Variants in MARCHF11 observed in about 807,000 individuals in gnomAD.
MARCHF11 encodes the protein membrane associated ring-CH-type finger 11.
MARCHF11 carries 29 observed loss-of-function variants against 37.3 expected under a neutral mutation model. The observed-to-expected ratio is 0.78, with a 90% CI of 0.58 to 1.06. The LOEUF (loss-of-function observed/expected upper bound fraction) is 1.06, where lower values mean the gene tolerates loss of function less well. Ranked by LOEUF, MARCHF11 falls within the 50% of genes least tolerant of loss-of-function variation. The pLI, the probability that MARCHF11 is intolerant of heterozygous loss-of-function variation, is 0.00. For missense variants in MARCHF11, 482 were observed against 533.4 expected (o/e 0.90, Z 0.95); for synonymous variants, 233 against 228.0 (o/e 1.02, Z -0.20).
At chr5:16,161,879 A>G (rs562422109) in intron 2 of MARCHF11, among the ~76,000 whole-genome samples, 2 of 152,136 alleles carry the variant, frequency 1.3e-5, no homozygotes, top group African/African-American at 2.4e-5. Flanking sequence ...AGGGCATTCA[A>G]TGAGATGATG....
At chr5:16,153,356 G>A (rs893176864) in intron 2 of MARCHF11, among the ~76,000 whole-genome samples, 4 of 152,034 alleles carry the variant, frequency 2.6e-5, no homozygotes, top group Middle Eastern at 3.4e-3. Context: ...AGGATCACAG[G>A]TTACAGGAAG....
intron 2 of MARCHF11, among the ~76,000 whole-genome samples, chr5:16,159,779 T>A (rs1387149324): frequency 6.6e-6 from 1 of 151,962 alleles, no homozygotes. Context: ...CAGGAGATGG[T>A]CGGTGCCTCA....
In MARCHF11 at chr5:16,145,325, T is replaced by C. The variant is rs574491681; in HGVS notation, c.693+32401A>G. Among the ~76,000 whole-genome samples the C allele has an allele frequency of 3.3e-4, 51 of 152,272 alleles. No homozygotes were observed. In the South Asian group the frequency reaches 9.8e-3, roughly 29 times the overall value. ...AGAGTGCTCATGAACTGGTTAATACTGCTACAGAATGGGCATTCAGGAGGG... is the reference window on the plus strand; with the variant it reads ...AGAGTGCTCATGAACTGGTTAATACCGCTACAGAATGGGCATTCAGGAGGG... On this transcript the variant is annotated intron_variant, in intron 2 of 3. Coordinates refer to ENST00000332432, the MANE Select transcript of MARCHF11 (RefSeq NM_001102562.3).
chr5:16,107,685 C>T (rs984203371), intron 2 of MARCHF11, among the ~76,000 whole-genome samples: 6 of 151,650 alleles, frequency 4.0e-5, no homozygotes, highest in Admixed American at 6.6e-5. Context: ...GCCTTTTGGC[C>T]GATCACGCCC....
intron 2 of MARCHF11, among the ~76,000 whole-genome samples, chr5:16,142,813 T>C (rs1407955113): frequency 1.5e-5 from 2 of 137,692 alleles, no homozygotes. Flanking sequence ...TGCCTCAGCC[T>C]CCCGAGTAGC....
intron 2 of MARCHF11, among the ~76,000 whole-genome samples, chr5:16,135,880 TAAA>T (rs11345766): frequency 1.3e-3 from 155 of 119,664 alleles, no homozygotes; most frequent in African/African-American, 4.2e-3. Flanking sequence ...GAAAGAGATT[TAAA>T]AAAAAAAAAA....
rs141593200 is a variant in MARCHF11, at chr5:16,168,691, T to G, written c.693+9035A>C. On this transcript the variant is annotated intron_variant, in intron 2 of 3. Transcript: ENST00000332432. ...CTTTCCATGGGGCTGGAGGTCTCAC[T>G]GGAAACCTCCCACCTACTCATTCCC... Among the ~76,000 whole-genome samples the G allele has an allele frequency of 1.6e-3, 240 of 152,206 alleles. 2 individuals carry two copies. The East Asian group carries it at 0.028, about 18-fold the overall frequency.
Position 16,067,675 on chromosome 5 carries a change from C to T in MARCHF11, c.1005G>A (p.Arg335=). The change falls in exon 4 of 4, where the codon CGG becomes CGA. Residue 335 remains arginine (R), a synonymous_variant. Coordinates refer to ENST00000332432, the MANE Select transcript of MARCHF11 (RefSeq NM_001102562.3). ...DKATDIEESS[R]GESSTSRTLW... Reference sequence around the variant, plus strand: ...AAGTCCTACTTGTGGAAGACTCTCCCCGGCTGCTTTCTTCGATGTCTGTGG... The same window carrying T: ...AAGTCCTACTTGTGGAAGACTCTCCTCGGCTGCTTTCTTCGATGTCTGTGG... 1.2e-6 allele frequency: 2 copies of T among 1,613,948 alleles called. No individual in the cohort carries two copies. Among genetic ancestry groups the T allele is most frequent in the South Asian group, 1.1e-5 (1 of 91,082 alleles).
intron 2 of MARCHF11, among the ~76,000 whole-genome samples, chr5:16,132,304 C>T (rs1205596308): frequency 6.6e-6 from 1 of 152,214 alleles, no homozygotes; most frequent in African/African-American, 2.4e-5. Flanking sequence ...TCCTTTTCGT[C>T]TGATCTCATC....
At chr5:16,118,978 T>A (rs1306467015) in intron 2 of MARCHF11, among the ~76,000 whole-genome samples, 1 of 152,208 alleles carries the variant, frequency 6.6e-6, no homozygotes, top group African/African-American at 2.4e-5. Flanking sequence ...TTGCTTTTTC[T>A]GCTCTATTTC....
At chr5:16,157,626 A>G (rs1265374180) in intron 2 of MARCHF11, among the ~76,000 whole-genome samples, 2 of 151,902 alleles carry the variant, frequency 1.3e-5, no homozygotes. Context: ...GGGAAAGTGA[A>G]TATCTCCATG....
At chr5:16,171,515 T>C (rs1485543008) in intron 2 of MARCHF11, among the ~76,000 whole-genome samples, 1 of 152,064 alleles carries the variant, frequency 6.6e-6, no homozygotes, top group African/African-American at 2.4e-5. Context: ...AGGGGAAACA[T>C]TGTTTAAAAA....
intron 2 of MARCHF11, among the ~76,000 whole-genome samples, chr5:16,167,519 T>C (rs1738191330): frequency 6.6e-6 from 1 of 152,082 alleles, no homozygotes; most frequent in South Asian, 2.1e-4. Context: ...GCTGCAGCTC[T>C]CCCACATGAG....
At chr5:16,079,446 G>A (rs1736570370) in intron 3 of MARCHF11, among the ~76,000 whole-genome samples, 1 of 152,192 alleles carries the variant, frequency 6.6e-6, no homozygotes, top group Non-Finnish European at 1.5e-5. Context: ...GAGGGGAAAG[G>A]CAAGGTTGGT....
At chr5:16,083,306 A>C (rs1348455111) in intron 3 of MARCHF11, among the ~76,000 whole-genome samples, 2 of 152,202 alleles carry the variant, frequency 1.3e-5, no homozygotes, top group Non-Finnish European at 2.9e-5. Flanking sequence ...GTCTACTCAG[A>C]CATCCCCAAA....
intron 2 of MARCHF11, among the ~76,000 whole-genome samples, chr5:16,176,825 C>A (rs1390153826): frequency 2.0e-5 from 3 of 152,078 alleles, no homozygotes; most frequent in African/African-American, 7.2e-5. Flanking sequence ...TTCCCCCTCC[C>A]AACTTTGCAA....
At chr5:16,081,711 G>T (rs1294743237) in intron 3 of MARCHF11, among the ~76,000 whole-genome samples, 1 of 152,176 alleles carries the variant, frequency 6.6e-6, no homozygotes, top group Non-Finnish European at 1.5e-5. Context: ...TCCTATGGAG[G>T]AGACGAAACT....
chr5:16,069,804 AGACT>A (rs914460919), intron 3 of MARCHF11, among the ~76,000 whole-genome samples: 12 of 152,168 alleles, frequency 7.9e-5, no homozygotes, highest in Non-Finnish European at 1.5e-4. Flanking sequence ...TTTCTTGGAC[AGACT>A]ATTACCTTTT....
intron 3 of MARCHF11, among the ~76,000 whole-genome samples, chr5:16,069,184 C>G (rs955902112): frequency 6.6e-6 from 1 of 152,022 alleles, no homozygotes; most frequent in Admixed American, 6.6e-5. Flanking sequence ...ATGTGGATAC[C>G]TCTGAAACCA....
Sources: gnomAD v4.1 joint callset for allele counts (sites outside exome capture counted in the v4.1 genomes callset) on GRCh38, gnomAD v4.1.1 for gene constraint, MANE v1.5 for transcripts, NCBI Gene and HGNC (gene_info 2026-07-23, HGNC 2026-07-21) for gene names.